GNAQ: variants seen among roughly 807,000 people sequenced by gnomAD.
GNAQ encodes the protein guanine nucleotide-binding protein G(q) subunit alpha.
A neutral mutation model predicts 43.9 loss-of-function variants in GNAQ; 8 were observed. The ratio of observed to expected loss-of-function variants is 0.18; its 90% CI spans 0.11 to 0.33. The LOEUF (loss-of-function observed/expected upper bound fraction) is 0.33. Ranked by LOEUF, GNAQ falls within the 10% of genes least tolerant of loss-of-function variation. The pLI, the probability that GNAQ is intolerant of heterozygous loss-of-function variation, is 1.00. For synonymous variants in GNAQ, 155 were observed against 170.7 expected, an observed-to-expected ratio of 0.91 and a Z score of 0.71; for missense variants, 158 against 450.8, an observed-to-expected ratio of 0.35 and a Z score of 5.88.
intron 4 of GNAQ, among the ~76,000 whole-genome samples, chr9:77,796,449 C>T (rs1205868817): frequency 2.6e-5 from 4 of 152,176 alleles, no homozygotes; most frequent in Non-Finnish European, 4.4e-5. Flanking sequence ...TCTCAAAGCA[C>T]CATGTAGTTT....
At chr9:77,758,875 A>G (rs144910614) in intron 5 of GNAQ, among the ~76,000 whole-genome samples, 49 of 152,296 alleles carry the variant, frequency 3.2e-4, no homozygotes, top group African/African-American at 1.2e-3. Context: ...TACAAATGCA[A>G]AGGCAAATAA....
At chr9:77,828,891 C>T (rs1414520413) in intron 2 of GNAQ, among the ~76,000 whole-genome samples, 1 of 152,118 alleles carries the variant, frequency 6.6e-6, no homozygotes, top group South Asian at 2.1e-4. Context: ...AGACACCTTG[C>T]CCTTATGATT....
intron 4 of GNAQ, among the ~76,000 whole-genome samples, chr9:77,796,067 T>C (rs957947191): frequency 2.1e-4 from 32 of 152,186 alleles, no homozygotes; most frequent in Admixed American, 2.1e-3. Flanking sequence ...CTAAATACCA[T>C]AGACTTAAAA....
chr9:78,003,805 G>T, intron 1 of GNAQ, among the ~76,000 whole-genome samples: 1 of 139,592 alleles, frequency 7.2e-6, no homozygotes, highest in East Asian at 2.1e-4. Context: ...TTTAGAGCAA[G>T]ACTGTCTAAA....
chr9:77,782,053 A>T (rs987843010), intron 5 of GNAQ, among the ~76,000 whole-genome samples: 4 of 152,160 alleles, frequency 2.6e-5, no homozygotes, highest in Non-Finnish European at 5.9e-5. Context: ...AGGTACACAG[A>T]TTGAGAAGGA....
chr9:77,916,378 G>A (rs1052788813), intron 2 of GNAQ, among the ~76,000 whole-genome samples: 10 of 152,160 alleles, frequency 6.6e-5, no homozygotes, highest in Non-Finnish European at 1.5e-4. Context: ...ATTCACTCAT[G>A]TTGCACAAAG....
rs745887391 is a variant in GNAQ at position 78,031,084 on chromosome 9, C to G, written c.136+16G>C. On this transcript the variant is annotated intron_variant, in intron 1 of 6. Coordinates refer to ENST00000286548, the MANE Select transcript of GNAQ (RefSeq NM_002072.5). ...TGGGGGCGCAGAGGCCCGGCGGGGC[C>G]CCGGACGGTACTCACCGAGCAGCAG... 117 of 1,480,006 alleles carry G rather than the reference C, an allele frequency of 7.9e-5. No homozygotes were observed. The highest frequency in any genetic ancestry group is 9.6e-5 in the Non-Finnish European group (107 of 1,110,108). 91.7% of individuals were successfully genotyped at this position (1,480,006 alleles called of 1,614,324 possible).
intron 1 of GNAQ, among the ~76,000 whole-genome samples, chr9:78,006,976 T>C (rs902432190): frequency 2.0e-5 from 3 of 152,194 alleles, no homozygotes; most frequent in African/African-American, 7.2e-5. Context: ...CAACCTGGAA[T>C]TGTTCAGCTT....
intron 1 of GNAQ, among the ~76,000 whole-genome samples, chr9:77,979,239 C>T (rs118074782): frequency 0.017 from 2,637 of 151,786 alleles, 53 homozygotes; most frequent in Non-Finnish European, 0.027. Flanking sequence ...GCCTATAATC[C>T]CAGTTACTCG....
At chr9:77,875,405 A>AT (rs1935256332) in intron 2 of GNAQ, among the ~76,000 whole-genome samples, 1 of 152,156 alleles carries the variant, frequency 6.6e-6, no homozygotes. Context: ...ATCCCCAAAG[A>AT]TTTTCAGCAG....
chr9:77,877,657 A>G (rs115428898), intron 2 of GNAQ, among the ~76,000 whole-genome samples: 2,179 of 152,288 alleles, frequency 0.014, 41 homozygotes, highest in African/African-American at 0.047. Context: ...ATATGATCCC[A>G]TTCTGTACTT....
intron 5 of GNAQ, among the ~76,000 whole-genome samples, chr9:77,785,424 AC>A (rs1270509658): frequency 6.6e-6 from 1 of 152,148 alleles, no homozygotes; most frequent in Non-Finnish European, 1.5e-5. Context: ...TTCTGTTGTA[AC>A]CCACAGTGTT....
At chr9:77,792,792 T>C (rs531612319) in intron 5 of GNAQ, among the ~76,000 whole-genome samples, 4 of 152,160 alleles carry the variant, frequency 2.6e-5, no homozygotes, top group African/African-American at 7.2e-5. Flanking sequence ...GCTTCTTACA[T>C]CTCTTGTGTA....
chr9:77,805,795 T>C (rs1051417410), intron 3 of GNAQ, among the ~76,000 whole-genome samples: 2 of 152,180 alleles, frequency 1.3e-5, no homozygotes, highest in African/African-American at 4.8e-5. Flanking sequence ...TGAATGCTGT[T>C]CAAGGGAGAC....
rs113799330 is a variant in GNAQ, at chr9:77,720,091, C to T, written c.*1232G>A. 3.4e-5 allele frequency: 8 copies of T among 232,506 alleles called. No homozygotes were observed. The highest frequency in any genetic ancestry group is 2.8e-4 in the Admixed American group (5 of 17,750). The allele number at this position is 232,506 out of a possible 1,614,324, so 14.4% of individuals were successfully genotyped here. ...CCACACAGGATACTTTTTACATTGCCGGTTTGGACACTGAACATGGGACGT... is the reference window on the plus strand; with the variant it reads ...CCACACAGGATACTTTTTACATTGCTGGTTTGGACACTGAACATGGGACGT... On this transcript the variant is annotated 3_prime_UTR_variant, in exon 7 of 7. Coordinates refer to ENST00000286548, the MANE Select transcript of GNAQ (RefSeq NM_002072.5).
intron 1 of GNAQ, among the ~76,000 whole-genome samples, chr9:77,975,898 TGA>T (rs1332016183): frequency 6.6e-6 from 1 of 152,152 alleles, no homozygotes; most frequent in African/African-American, 2.4e-5. Context: ...CTCACTGCAA[TGA>T]GAGTCATAGG....
intron 2 of GNAQ, among the ~76,000 whole-genome samples, chr9:77,818,890 C>T (rs1256619305): frequency 6.7e-6 from 1 of 149,316 alleles, no homozygotes; most frequent in Non-Finnish European, 1.5e-5. Context: ...GTCCCAGCTA[C>T]TTGGGAAGCT....
chr9:77,979,632 G>T (rs184025385), intron 1 of GNAQ, among the ~76,000 whole-genome samples: 1 of 152,070 alleles, frequency 6.6e-6, no homozygotes, highest in African/African-American at 2.4e-5. Flanking sequence ...TGCCCAAGGG[G>T]GGGGAGACTG....
chr9:77,789,457 T>A (rs1160638921), intron 5 of GNAQ, among the ~76,000 whole-genome samples: 1 of 152,090 alleles, frequency 6.6e-6, no homozygotes, highest in Non-Finnish European at 1.5e-5. Context: ...ATGGTAGAGC[T>A]AAAATTCTCA....
Sources: gnomAD v4.1 joint callset for allele counts (sites outside exome capture counted in the v4.1 genomes callset) on GRCh38, gnomAD v4.1.1 for gene constraint, MANE v1.5 for transcripts, NCBI Gene and HGNC (gene_info 2026-07-23, HGNC 2026-07-21) for gene names.